The following BACE2 variants were observed in gnomAD, a reference collection of about 807,000 sequenced individuals.
The protein encoded by BACE2 is beta-secretase 2.
BACE2 carries 17 observed loss-of-function variants against 46.2 expected under a neutral mutation model. The observed-to-expected ratio is 0.37, with a 90% CI of 0.25 to 0.55. The LOEUF (loss-of-function observed/expected upper bound fraction) is 0.55, where lower values mean the gene tolerates loss of function less well. Ranked by LOEUF, BACE2 falls within the 20% of genes least tolerant of loss-of-function variation. The pLI, the probability that BACE2 is intolerant of heterozygous loss-of-function variation, is 0.82. For missense variants in BACE2, 595 were observed against 698.1 expected (o/e 0.85, Z 1.66); for synonymous variants, 277 against 295.9 (o/e 0.94, Z 0.66).
chr21:41,252,713 G>A (rs909628445), intron 7 of BACE2, among the ~76,000 whole-genome samples: 7 of 152,204 alleles, frequency 4.6e-5, no homozygotes, highest in Admixed American at 6.5e-5. Context: ...ACATCAATAT[G>A]TCTTTGTTGC....
intron 5 of BACE2, among the ~76,000 whole-genome samples, chr21:41,245,121 A>T (rs935685961): frequency 2.6e-5 from 4 of 152,350 alleles, no homozygotes; most frequent in Middle Eastern, 3.4e-3. Flanking sequence ...ATTTTAAATT[A>T]AGTTTGTTTT....
chr21:41,252,514 T>A (rs574466859), intron 7 of BACE2: 1 of 152,372 alleles, frequency 6.6e-6, no homozygotes, highest in Admixed American at 6.5e-5. Context: ...GCATGGAATC[T>A]TATCTTTAGG....
rs538719222 is a variant in BACE2, at chr21:41,280,531, G to A, written c.*4907G>A. On this transcript the variant is annotated 3_prime_UTR_variant, in exon 9 of 9. Coordinates refer to ENST00000330333, the MANE Select transcript of BACE2 (RefSeq NM_012105.5). ...CCCAGCCCCATTCAGGGTCAGTGCA[G>A]GAGGGAACAGGGAATCTGCATTTCA... 1.9e-4 allele frequency: 29 copies of A among 152,500 alleles called. 1 individual carries two copies. The highest frequency in any genetic ancestry group is 7.0e-4 in the African/African-American group (29 of 41,600). The allele number at this position is 152,500 out of a possible 1,614,324, so 9.4% of individuals were successfully genotyped here.
rs575707852 is a variant in BACE2, at chr21:41,226,361, G to T, written c.401+7G>T. On this transcript the variant is annotated splice_region_variant and intron_variant, in intron 2 of 8. Transcript: ENST00000330333. ...CGTACTTTGACACAGAGAGGTAAGC[G>T]CTGGCCCCTTGGCTGGTGTGCTGGG... 2.7e-5 allele frequency: 44 copies of T among 1,610,878 alleles called. No individual in the cohort carries two copies. The highest frequency in any genetic ancestry group is 2.1e-4 in the South Asian group (19 of 89,836).
At chr21:41,187,679 G>T (rs552445001) in intron 1 of BACE2, among the ~76,000 whole-genome samples, 2 of 152,200 alleles carry the variant, frequency 1.3e-5, no homozygotes, top group Non-Finnish European at 2.9e-5. Flanking sequence ...AAGATGTGAT[G>T]TGTAGATACT....
At chr21:41,221,044 T>TAA (rs59801748) in intron 1 of BACE2, among the ~76,000 whole-genome samples, 64 of 132,736 alleles carry the variant, frequency 4.8e-4, no homozygotes, top group African/African-American at 1.1e-3. Flanking sequence ...AAAAGTATAT[T>TAA]AAAAAAAAAA....
At chr21:41,181,880 G>A (rs1318584037) in intron 1 of BACE2, 1 of 167,002 alleles carries the variant, frequency 6.0e-6, no homozygotes, top group Non-Finnish European at 1.5e-5. Context: ...ATGATTCTAT[G>A]ATGCTATAAT....
At chr21:41,249,055 C>G (rs73366497) in intron 6 of BACE2, among the ~76,000 whole-genome samples, 3,290 of 152,294 alleles carry the variant, frequency 0.022, 138 homozygotes, top group African/African-American at 0.075. Flanking sequence ...CTGTCAGTGC[C>G]TCTGGAGTGT....
chr21:41,169,088 A>G (rs962960825), intron 1 of BACE2, among the ~76,000 whole-genome samples: 2 of 148,934 alleles, frequency 1.3e-5, no homozygotes, highest in African/African-American at 4.9e-5. Flanking sequence ...GGATTTATGC[A>G]TGAGCTCAGC....
At chr21:41,233,303 G>A (rs1178266134) in intron 2 of BACE2, among the ~76,000 whole-genome samples, 3 of 152,132 alleles carry the variant, frequency 2.0e-5, no homozygotes, top group African/African-American at 7.2e-5. Context: ...TTAACTTCAC[G>A]AGGGATGGTA....
chr21:41,205,933 C>CT (rs1986108753), intron 1 of BACE2, among the ~76,000 whole-genome samples: 1 of 152,140 alleles, frequency 6.6e-6, no homozygotes, highest in Admixed American at 6.6e-5. Context: ...AAAAATGAAT[C>CT]TCCCCCAAAG....
At chr21:41,218,956 G>A (rs1005350425) in intron 1 of BACE2, among the ~76,000 whole-genome samples, 2 of 151,106 alleles carry the variant, frequency 1.3e-5, no homozygotes, top group South Asian at 2.1e-4. Flanking sequence ...TCCGCCTCCC[G>A]GGTTCAAGCG....
At position 41,226,290 on chromosome 21, in the gene BACE2, A is replaced by G; in HGVS notation, c.337A>G (p.Ser113Gly). 2 of 1,614,024 alleles carry G rather than the reference A, an allele frequency of 1.2e-6. No individual in the cohort carries two copies. Among genetic ancestry groups the G allele is most frequent in the Non-Finnish European group, 1.7e-6 (2 of 1,179,976 alleles). The change falls in exon 2 of 9, where the codon AGC becomes GGC. Residue 113 changes from serine (S) to glycine (G), a missense_variant. Transcript: ENST00000330333. Reference protein sequence around the residue: ...QKLQILVDTGSSNFAVAGTPH... With the variant: ...QKLQILVDTGGSNFAVAGTPH... The stretch of plus-strand genomic sequence containing the variant: ...GCTACAGATTCTCGTTGACACTGGA[A>G]GCAGTAACTTTGCCGTGGCAGGAAC...
At chr21:41,239,288 T>C (rs1024228869) in intron 3 of BACE2, among the ~76,000 whole-genome samples, 2 of 152,198 alleles carry the variant, frequency 1.3e-5, no homozygotes, top group Non-Finnish European at 2.9e-5. Flanking sequence ...GCTGAGAAGA[T>C]ACAAGATAAG....
chr21:41,268,125 C>G (rs2088397965), intron 8 of BACE2, among the ~76,000 whole-genome samples: 1 of 152,186 alleles, frequency 6.6e-6, no homozygotes, highest in South Asian at 2.1e-4. Context: ...GATCTTAGCC[C>G]AGGACTGTAC....
At chr21:41,169,341 A>G (rs769298267) in intron 1 of BACE2, among the ~76,000 whole-genome samples, 9 of 151,946 alleles carry the variant, frequency 5.9e-5, no homozygotes, top group Non-Finnish European at 1.2e-4. Context: ...TGGTATCCCG[A>G]TTACAACACA....
At chr21:41,242,167 C>T (rs1987313415) in intron 4 of BACE2, among the ~76,000 whole-genome samples, 1 of 151,218 alleles carries the variant, frequency 6.6e-6, no homozygotes. Context: ...ATCGCTTCTC[C>T]GAATTCCATT....
intron 1 of BACE2, among the ~76,000 whole-genome samples, chr21:41,173,053 C>T (rs948905238): frequency 3.3e-5 from 5 of 152,204 alleles, no homozygotes; most frequent in African/African-American, 1.2e-4. Context: ...AGGGCCTGCC[C>T]TCCTCTAACC....
intron 8 of BACE2, among the ~76,000 whole-genome samples, chr21:41,269,560 G>T (rs758220375): frequency 6.6e-6 from 1 of 152,112 alleles, no homozygotes; most frequent in Non-Finnish European, 1.5e-5. Flanking sequence ...AGACTAGTTT[G>T]TATTTGTTAG....
Sources: allele counts gnomAD v4.1 joint callset (sites outside exome capture counted in the v4.1 genomes callset), GRCh38; gene constraint gnomAD v4.1.1; transcripts MANE v1.5; gene names NCBI Gene and HGNC (gene_info 2026-07-23, HGNC 2026-07-21).